Variants in SYT1 observed in about 807,000 individuals in gnomAD.
SYT1 encodes the protein synaptotagmin-1.
A neutral mutation model predicts 44.8 loss-of-function variants in SYT1; 8 were observed. That is an observed-to-expected ratio of 0.18 (90% CI 0.10 to 0.32). The LOEUF (loss-of-function observed/expected upper bound fraction) is 0.32. SYT1 is among the 10% of genes least tolerant of loss of function. The pLI is 1.00. For missense variants in SYT1, 286 were observed against 509.3 expected (o/e 0.56, Z 4.22); for synonymous variants, 154 against 188.8 (o/e 0.82, Z 1.51).
intron 3 of SYT1, among the ~76,000 whole-genome samples, chr12:79,186,502 C>T (rs1259258421): frequency 2.0e-5 from 3 of 151,962 alleles, no homozygotes. Flanking sequence ...TTATCCTCCC[C>T]AGGTCTAGAA....
intron 1 of SYT1, among the ~76,000 whole-genome samples, chr12:78,932,076 T>C (rs892610149): frequency 2.6e-5 from 4 of 152,244 alleles, no homozygotes; most frequent in African/African-American, 9.6e-5. Flanking sequence ...TGTTTCCTTT[T>C]TATTCTTCGT....
chr12:79,300,097 AT>A lies in SYT1; in HGVS notation c.810+551del, dbSNP rs371342697. ...TAAATCCATTTTTTAAATGACTCAC[AT>A]TTTTATGCTACTCCTCACATTGTTT... On this transcript the variant is annotated intron_variant, in intron 8 of 10. Coordinates refer to ENST00000261205, the MANE Select transcript of SYT1 (RefSeq NM_005639.3). Among the ~76,000 whole-genome samples the A allele has an allele frequency of 2.5e-4, 38 of 152,234 alleles. 1 individual carries two copies. The highest frequency in any genetic ancestry group is 9.1e-4 in the African/African-American group (38 of 41,548).
In SYT1 at chr12:79,033,063, A is replaced by G. The variant is rs537649875; in HGVS notation, c.-83-14234A>G. On this transcript the variant is annotated intron_variant, in intron 2 of 10. Coordinates refer to ENST00000261205, the MANE Select transcript of SYT1 (RefSeq NM_005639.3). ...TTGCCTGTTCTAAGGAATTAATCTG[A>G]TATTTCTCTTGAATATGTTCTTTTG... is the stretch of plus-strand genomic sequence containing the variant. Among the ~76,000 whole-genome samples the G allele has an allele frequency of 4.0e-5, 6 of 151,404 alleles. No homozygotes were observed. The South Asian group carries it at 1.0e-3, about 26-fold the overall frequency.
intron 4 of SYT1, among the ~76,000 whole-genome samples, chr12:79,243,010 G>C (rs1876603393): frequency 6.6e-6 from 1 of 152,198 alleles, no homozygotes; most frequent in Non-Finnish European, 1.5e-5. Flanking sequence ...AGGAGGAGAA[G>C]AGGCACATCT....
chr12:79,347,808 G>A (rs966723379), intron 8 of SYT1, among the ~76,000 whole-genome samples: 11 of 152,078 alleles, frequency 7.2e-5, no homozygotes, highest in African/African-American at 9.7e-5. Flanking sequence ...AAGTAATGAC[G>A]GGTGCTAAGA....
intron 3 of SYT1, among the ~76,000 whole-genome samples, chr12:79,141,288 T>C (rs1565824038): frequency 6.6e-6 from 1 of 152,164 alleles, no homozygotes. Flanking sequence ...CCTAAGGAAT[T>C]GTATATTTTA....
At chr12:78,908,489 A>G (rs1268744277) in intron 1 of SYT1, among the ~76,000 whole-genome samples, 2 of 151,894 alleles carry the variant, frequency 1.3e-5, no homozygotes, top group African/African-American at 4.8e-5. Flanking sequence ...GTCAGTTTTC[A>G]TAAGAACATA....
At chr12:79,224,527 TG>T (rs1238700625) in intron 4 of SYT1, among the ~76,000 whole-genome samples, 5 of 151,906 alleles carry the variant, frequency 3.3e-5, no homozygotes, top group Non-Finnish European at 7.4e-5. Context: ...AGAATCTACC[TG>T]GAAGAGCAAG....
intron 6 of SYT1, 60 bp from the exon 7 acceptor site, chr12:79,296,009 C>A: frequency 6.6e-7 from 1 of 1,519,044 alleles, no homozygotes; most frequent in South Asian, 1.3e-5. Context: ...GTGAACAAAT[C>A]GATCTTTTCC....
rs573305906 is a variant in SYT1 at position 79,379,632 on chromosome 12, A to G, written c.928+26013A>G. On this transcript the variant is annotated intron_variant, in intron 9 of 10. Coordinates refer to ENST00000261205, the MANE Select transcript of SYT1 (RefSeq NM_005639.3). ...CTGAAAGCTTTGATTTCAAATAAAC[A>G]TCTCCATTTTGTCTTTTGCCTCTTC... Among the ~76,000 whole-genome samples, 11 of 152,250 alleles carry G rather than the reference A, an allele frequency of 7.2e-5. No individual in the cohort carries two copies. The South Asian group carries it at 2.3e-3, about 32-fold the overall frequency.
At chr12:79,376,823 C>T (rs1045076263) in intron 9 of SYT1, among the ~76,000 whole-genome samples, 4 of 152,166 alleles carry the variant, frequency 2.6e-5, no homozygotes, top group African/African-American at 7.2e-5. Flanking sequence ...GATTTACAAA[C>T]GTCTGCATGC....
chr12:78,881,228 A>T (rs998835301), intron 1 of SYT1, among the ~76,000 whole-genome samples: 1 of 151,654 alleles, frequency 6.6e-6, no homozygotes, highest in Non-Finnish European at 1.5e-5. Context: ...CCTCTCCATG[A>T]ACAACTGCTA....
At chr12:79,276,980 G>A (rs186904050) in intron 4 of SYT1, among the ~76,000 whole-genome samples, 1 of 151,662 alleles carries the variant, frequency 6.6e-6, no homozygotes, top group African/African-American at 2.4e-5. Flanking sequence ...GGAAGAGGAG[G>A]AGGAGGAGGG....
intron 1 of SYT1, among the ~76,000 whole-genome samples, chr12:78,901,410 A>C (rs917524896): frequency 1.4e-4 from 21 of 152,090 alleles, no homozygotes; most frequent in African/African-American, 4.6e-4. Context: ...TCTGCCAAAC[A>C]CACACTGTAT....
intron 2 of SYT1, among the ~76,000 whole-genome samples, chr12:78,994,534 A>ATTT (rs1158976321): frequency 2.0e-4 from 11 of 55,580 alleles, no homozygotes; most frequent in Non-Finnish European, 3.0e-4. Context: ...TGTTCTGAGG[A>ATTT]TTTTTTTTTT....
chr12:79,104,114 T>C (rs1878581800), intron 3 of SYT1, among the ~76,000 whole-genome samples: 1 of 152,082 alleles, frequency 6.6e-6, no homozygotes, highest in African/African-American at 2.4e-5. Context: ...ATATGATATG[T>C]TATTATAAAA....
intron 9 of SYT1, among the ~76,000 whole-genome samples, chr12:79,394,189 T>C (rs967025837): frequency 3.9e-5 from 6 of 152,226 alleles, no homozygotes; most frequent in African/African-American, 1.4e-4. Context: ...ACTCTTCACA[T>C]AGCCCAGATA....
intron 9 of SYT1, among the ~76,000 whole-genome samples, chr12:79,364,993 A>T (rs1355618371): frequency 6.6e-6 from 1 of 152,142 alleles, no homozygotes; most frequent in African/African-American, 2.4e-5. Flanking sequence ...TAGTTTTAAA[A>T]TTATAGGAAA....
chr12:79,251,086 G>A (rs1474251648), intron 4 of SYT1, among the ~76,000 whole-genome samples: 4 of 152,126 alleles, frequency 2.6e-5, no homozygotes, highest in African/African-American at 9.7e-5. Context: ...TCTAGTTCTA[G>A]CATTTGTCAC....
Sources: allele counts gnomAD v4.1 joint callset (sites outside exome capture counted in the v4.1 genomes callset), GRCh38; gene constraint gnomAD v4.1.1; transcripts MANE v1.5; gene names NCBI Gene and HGNC (gene_info 2026-07-23, HGNC 2026-07-21).